MYT1L: variants seen among roughly 807,000 people sequenced by gnomAD.
The protein encoded by MYT1L is myelin transcription factor 1 like, also known as myelin transcription factor 1-like protein.
MYT1L carries 12 observed loss-of-function variants against 126.7 expected under a neutral mutation model. The ratio of observed to expected loss-of-function variants is 0.09; its 90% CI spans 0.06 to 0.15. The LOEUF is 0.15. Among genes scored for constraint, MYT1L ranks in the 10% least tolerant of loss-of-function variants. MYT1L has a pLI of 1.00. For synonymous variants in MYT1L, 541 were observed against 604.2 expected, an observed-to-expected ratio of 0.90 and a Z score of 1.53; for missense variants, 979 against 1,585.2, an observed-to-expected ratio of 0.62 and a Z score of 6.49.
rs1529667 is a variant in MYT1L at position 1,922,665 on chromosome 2, G to T, written c.1104C>A (p.Pro368=). The T allele has an allele frequency of 0.97, 1,568,392 of 1,613,906 alleles. 762,225 individuals carry two copies. The highest frequency in any genetic ancestry group is 1 in the East Asian group (44,851 of 44,854). Residue 368 remains proline, a synonymous_variant, in exon 10 of 25, where the codon CCC becomes CCA. Transcript: ENST00000647738. This position sits in a 1 kb window ranked among gnomAD's most constrained non-coding sequence, Gnocchi z 7.4. ...RQHVRPEEDF[P]GRTPDRNYSD... ...AGTAGTTTCTGTCCGGCGTCCTTCC[G>T]GGGAAGTCCTCTTCTGGCCGGACAT...
Position 1,840,778 on chromosome 2 carries a change from T to G in MYT1L, c.2840A>C (p.Glu947Ala), listed in dbSNP as rs2041554058. 1 of 1,550,910 alleles carries G rather than the reference T, an allele frequency of 6.4e-7. No individual in the cohort carries two copies. Among genetic ancestry groups the G allele is most frequent in the Admixed American group, 2.0e-5 (1 of 50,986 alleles). ...IRIAQSKEDK[E>A]DQEPIRCPVP... ...CTCATACCTGATGGGTTCTTGATCT[T>G]CTTTATCTTCTTTGCTCTGTGCTAT... The change falls in exon 20 of 25, where the codon GAA (glutamate) becomes GCA (alanine). Residue 947 changes from glutamate (E) to alanine (A), a missense_variant. Physicochemically the swap from Glu to Ala is moderately radical, Grantham distance 107. This residue lies in a region of MYT1L where 179 missense variants were observed against 398.6 expected (regional missense o/e 0.45). Coordinates refer to ENST00000647738, the MANE Select transcript of MYT1L (RefSeq NM_001303052.2).
intron 1 of MYT1L, among the ~76,000 whole-genome samples, chr2:2,328,351 CAT>C (rs541492724): frequency 8.3e-4 from 127 of 152,154 alleles, no homozygotes; most frequent in Non-Finnish European, 1.4e-3. Context: ...AGGTGAAAAA[CAT>C]AACAGGGACA....
chr2:2,100,388 T>A lies in MYT1L; in HGVS notation c.-303-46265A>T, dbSNP rs551585276. Among the ~76,000 whole-genome samples the A allele has an allele frequency of 1.8e-4, 27 of 152,278 alleles. No homozygotes were observed. In the South Asian group the frequency reaches 5.4e-3, roughly 30 times the overall value. ...TTTTTTTCTAAACTTTACCTTAAAT[T>A]TTATTTTGGTCTCCCAACCCACTGA... On this transcript the variant is annotated intron_variant, in intron 3 of 24. Transcript: ENST00000647738.
At chr2:2,179,605 T>C (rs1232181544) in intron 2 of MYT1L, among the ~76,000 whole-genome samples, 3 of 152,258 alleles carry the variant, frequency 2.0e-5, no homozygotes, top group Admixed American at 1.3e-4. Flanking sequence ...GGTAGAATTA[T>C]GCCTGTTTTA....
chr2:2,122,011 G>A (rs1355201776), intron 3 of MYT1L, among the ~76,000 whole-genome samples: 1 of 152,188 alleles, frequency 6.6e-6, no homozygotes, highest in African/African-American at 2.4e-5. Context: ...GGGAAGGTGA[G>A]GTCTTCCTAC....
intron 3 of MYT1L, among the ~76,000 whole-genome samples, chr2:2,161,555 G>A (rs1222827021): frequency 6.6e-6 from 1 of 152,186 alleles, no homozygotes; most frequent in Non-Finnish European, 1.5e-5. Flanking sequence ...ATTGTAAAAT[G>A]TTTTTATCAT....
intron 21 of MYT1L, among the ~76,000 whole-genome samples, chr2:1,837,889 CTT>C (rs397775613): frequency 6.9e-6 from 1 of 144,628 alleles, no homozygotes. Flanking sequence ...TTCTCTCTCT[CTT>C]TTTTTTTTTT....
intron 1 of MYT1L, among the ~76,000 whole-genome samples, chr2:2,295,577 G>GAT (rs199591516): frequency 8.4e-6 from 1 of 119,420 alleles, no homozygotes; most frequent in Non-Finnish European, 1.9e-5. Context: ...GAGAGAGAGA[G>GAT]AGAGAGACAG....
chr2:2,299,783 T>C (rs535892484), intron 1 of MYT1L, among the ~76,000 whole-genome samples: 10 of 152,320 alleles, frequency 6.6e-5, no homozygotes, highest in African/African-American at 2.2e-4. Flanking sequence ...GAGAGTTTTA[T>C]CCAAAATGAT....
At chr2:1,959,324 G>A (rs960519814) in intron 8 of MYT1L, among the ~76,000 whole-genome samples, 1 of 152,140 alleles carries the variant, frequency 6.6e-6, no homozygotes, top group Non-Finnish European at 1.5e-5. Flanking sequence ...CAGACCGTCT[G>A]GATGTGAAAG....
chr2:1,814,782 G>A (rs149960417), intron 21 of MYT1L, among the ~76,000 whole-genome samples: 21 of 152,150 alleles, frequency 1.4e-4, no homozygotes, highest in African/African-American at 4.6e-4. Flanking sequence ...CAGGCCTGGC[G>A]GAGAGCATTC....
intron 3 of MYT1L, among the ~76,000 whole-genome samples, chr2:2,081,143 G>T (rs2075782315): frequency 6.6e-6 from 1 of 152,116 alleles, no homozygotes; most frequent in African/African-American, 2.4e-5. Context: ...AACTTTAAAT[G>T]GGTGAATTTT....
chr2:1,812,052 T>A (rs978750988), intron 21 of MYT1L, among the ~76,000 whole-genome samples: 5 of 152,188 alleles, frequency 3.3e-5, no homozygotes, highest in Non-Finnish European at 7.3e-5. Flanking sequence ...CTTTTCCCCT[T>A]CCTGCCACTG....
At chr2:2,115,093 C>G (rs772252888) in intron 3 of MYT1L, among the ~76,000 whole-genome samples, 4 of 152,248 alleles carry the variant, frequency 2.6e-5, no homozygotes, top group Non-Finnish European at 5.9e-5. Context: ...CTCTTCCCCA[C>G]AGTGAGTCCC....
intron 21 of MYT1L, among the ~76,000 whole-genome samples, chr2:1,830,847 A>G (rs982651791): frequency 1.3e-5 from 2 of 152,068 alleles, no homozygotes; most frequent in Admixed American, 1.3e-4. Context: ...CCTCCCTCAC[A>G]GGATCCTCCA....
At chr2:2,065,598 A>G (rs1030309275) in intron 3 of MYT1L, among the ~76,000 whole-genome samples, 1 of 152,138 alleles carries the variant, frequency 6.6e-6, no homozygotes, top group Non-Finnish European at 1.5e-5. Flanking sequence ...GTAAGATTCT[A>G]CAAAGGGAGC....
At chr2:1,995,831 A>G (rs2061791923) in intron 5 of MYT1L, among the ~76,000 whole-genome samples, 1 of 152,158 alleles carries the variant, frequency 6.6e-6, no homozygotes, top group Non-Finnish European at 1.5e-5. Flanking sequence ...GCTGCAGGTG[A>G]CGAGGTGGGC....
intron 21 of MYT1L, among the ~76,000 whole-genome samples, chr2:1,822,032 G>A (rs1396923260): frequency 1.3e-5 from 2 of 152,134 alleles, no homozygotes; most frequent in African/African-American, 4.8e-5. Flanking sequence ...CCCCACTCTA[G>A]GTCCCAGCCT....
At chr2:2,266,040 C>A (rs1381004668) in intron 2 of MYT1L, among the ~76,000 whole-genome samples, 1 of 152,138 alleles carries the variant, frequency 6.6e-6, no homozygotes, top group Admixed American at 6.5e-5. Flanking sequence ...AGCAGCTGGG[C>A]AAATGCAGCA....
Sources: gnomAD v4.1 joint callset for allele counts (sites outside exome capture counted in the v4.1 genomes callset) on GRCh38, gnomAD v4.1.1 for gene constraint, gnomAD v4.1.1 regional missense constraint, Gnocchi (gnomAD v3.1) non-coding constraint, MANE v1.5 for transcripts, NCBI Gene and HGNC (gene_info 2026-07-23, HGNC 2026-07-21) for gene names.